BCKDHB: variants seen among roughly 807,000 people sequenced by gnomAD.
BCKDHB encodes the protein branched chain keto acid dehydrogenase E1 subunit beta, also known as 2-oxoisovalerate dehydrogenase subunit beta, mitochondrial.
BCKDHB carries 41 observed loss-of-function variants against 48.5 expected under a neutral mutation model. That is an observed-to-expected ratio of 0.85 (90% CI 0.66 to 1.10). The LOEUF (loss-of-function observed/expected upper bound fraction) is 1.10. BCKDHB is among the 50% of genes least tolerant of loss of function. The pLI, the probability that BCKDHB is intolerant of heterozygous loss-of-function variation, is 0.00. For synonymous variants in BCKDHB, 201 were observed against 174.8 expected (o/e 1.15, Z -1.18); for missense variants, 496 against 494.2 (o/e 1.00, Z -0.03).
chr6:80,205,363 C>T (rs534531213), intron 8 of BCKDHB, among the ~76,000 whole-genome samples: 2 of 151,986 alleles, frequency 1.3e-5, no homozygotes, highest in African/African-American at 2.4e-5. Context: ...CTCATTAGAT[C>T]GCTGAGTTTT....
chr6:80,246,532 C>T (rs1375134017), intron 8 of BCKDHB, among the ~76,000 whole-genome samples: 1 of 152,192 alleles, frequency 6.6e-6, no homozygotes, highest in Non-Finnish European at 1.5e-5. Flanking sequence ...TCCAGACCTC[C>T]TTTGGTGGGA....
At chr6:80,458,001 A>G in the BCKDHB span, among the ~76,000 whole-genome samples, 1 of 152,216 alleles carries the variant, frequency 6.6e-6, no homozygotes, top group African/African-American at 2.4e-5. Context: ...CACGTAAGTT[A>G]ACTGTCTTCC....
rs574601145 is a variant in BCKDHB at position 80,216,965 on chromosome 6, G to A, written c.951+13753G>A. 7.9e-5 allele frequency among the ~76,000 whole-genome samples: 12 copies of A among 152,188 alleles called. No individual in the cohort carries two copies. The South Asian group carries it at 1.5e-3, about 18-fold the overall frequency. On this transcript the variant is annotated intron_variant, in intron 8 of 9. Coordinates refer to ENST00000320393, the MANE Select transcript of BCKDHB (RefSeq NM_183050.4). ...CTTTTCTAGTTTATTCCAAAACTGG[G>A]GCCAGCTATGGTGGCTCACTCCTGT...
the BCKDHB span, among the ~76,000 whole-genome samples, chr6:80,457,615 A>G: frequency 7.2e-5 from 11 of 152,178 alleles, no homozygotes; most frequent in Non-Finnish European, 1.6e-4. Context: ...TGCTAATGCA[A>G]TTGCTTGAAC....
chr6:80,168,646 C>T (rs2127774755), intron 4 of BCKDHB, among the ~76,000 whole-genome samples: 1 of 128,746 alleles, frequency 7.8e-6, no homozygotes, highest in African/African-American at 3.1e-5. Flanking sequence ...GGACGAGACC[C>T]TGTCTTAAGA....
the BCKDHB span, among the ~76,000 whole-genome samples, chr6:80,424,900 G>A: frequency 2.0e-3 from 299 of 152,282 alleles, no homozygotes; most frequent in African/African-American, 5.8e-3. Context: ...AATAGAGAGC[G>A]GAAAAGAGTC....
At chr6:80,194,385 A>C (rs1029470991) in intron 6 of BCKDHB, among the ~76,000 whole-genome samples, 2 of 152,224 alleles carry the variant, frequency 1.3e-5, no homozygotes, top group Non-Finnish European at 2.9e-5. Flanking sequence ...GGACATTAGC[A>C]TGGATACAAT....
chr6:80,413,596 C>G, the BCKDHB span, among the ~76,000 whole-genome samples: 1 of 152,138 alleles, frequency 6.6e-6, no homozygotes, highest in Admixed American at 6.5e-5. Context: ...TAATGGCATC[C>G]AACTACATTC....
At chr6:80,252,706 T>G (rs1776883167) in intron 8 of BCKDHB, among the ~76,000 whole-genome samples, 1 of 152,202 alleles carries the variant, frequency 6.6e-6, no homozygotes, top group Non-Finnish European at 1.5e-5. Flanking sequence ...ACCTAATTTC[T>G]TAACATTGAA....
At chr6:80,134,434 G>A (rs531860308) in intron 3 of BCKDHB, among the ~76,000 whole-genome samples, 1 of 152,266 alleles carries the variant, frequency 6.6e-6, no homozygotes, top group African/African-American at 2.4e-5. Flanking sequence ...CAGGCATGCG[G>A]TGAAGGCAAG....
the BCKDHB span, among the ~76,000 whole-genome samples, chr6:80,382,687 G>GATAT: frequency 4.7e-5 from 7 of 149,404 alleles, no homozygotes; most frequent in East Asian, 1.9e-4. Context: ...TCCCTGTCTT[G>GATAT]ATATATATAT....
At chr6:80,119,681 T>C (rs565678434) in intron 1 of BCKDHB, among the ~76,000 whole-genome samples, 13 of 152,256 alleles carry the variant, frequency 8.5e-5, no homozygotes, top group Admixed American at 5.2e-4. Flanking sequence ...TCTAGAATAG[T>C]CCTTCCCAGA....
the BCKDHB span, among the ~76,000 whole-genome samples, chr6:80,466,558 G>T: frequency 7.9e-5 from 12 of 152,206 alleles, no homozygotes. Flanking sequence ...ACGTTAATTA[G>T]CTTGATTATG....
At chr6:80,236,132 T>C (rs1473002836) in intron 8 of BCKDHB, among the ~76,000 whole-genome samples, 1 of 151,386 alleles carries the variant, frequency 6.6e-6, no homozygotes, top group Non-Finnish European at 1.5e-5. Flanking sequence ...TGGTATGCTG[T>C]TATTCTTTAA....
chr6:80,312,205 A>G (rs116840457), intron 9 of BCKDHB, among the ~76,000 whole-genome samples: 4,315 of 152,220 alleles, frequency 0.028, 181 homozygotes, highest in African/African-American at 0.099. Flanking sequence ...GGGAGTTCAC[A>G]TTCATAATTT....
chr6:80,356,969 A>G, the BCKDHB span: 1 of 13,158 alleles, frequency 7.6e-5, no homozygotes, highest in African/African-American at 3.5e-4. Context: ...CCCCACACAC[A>G]CGATTTGTTA....
intron 9 of BCKDHB, among the ~76,000 whole-genome samples, chr6:80,286,410 T>A (rs1037051691): frequency 6.6e-6 from 1 of 152,166 alleles, no homozygotes; most frequent in Non-Finnish European, 1.5e-5. Flanking sequence ...TACTCAAAAT[T>A]GGGACAAAAT....
At chr6:80,409,640 GTTC>G in the BCKDHB span, among the ~76,000 whole-genome samples, 2 of 99,950 alleles carry the variant, frequency 2.0e-5, no homozygotes, top group Non-Finnish European at 4.0e-5. Context: ...ATGATAGTTA[GTTC>G]TTCTTGTTGA....
At chr6:80,111,859 CG>C (rs1562054381) in intron 1 of BCKDHB, among the ~76,000 whole-genome samples, 1 of 152,042 alleles carries the variant, frequency 6.6e-6, no homozygotes, top group African/African-American at 2.4e-5. Context: ...TTAGTCTACC[CG>C]GGGGGCTACA....
Sources: gnomAD v4.1 joint callset for allele counts (sites outside exome capture counted in the v4.1 genomes callset) on GRCh38, gnomAD v4.1.1 for gene constraint, MANE v1.5 for transcripts, NCBI Gene and HGNC (gene_info 2026-07-23, HGNC 2026-07-21) for gene names.